Variants in GLRA3 observed in about 807,000 individuals in gnomAD.
GLRA3 encodes the protein glycine receptor subunit alpha-3.
Under a neutral mutation model 60.4 loss-of-function variants are expected in GLRA3, and 44 were observed. The ratio of observed to expected loss-of-function variants is 0.73; its 90% CI spans 0.57 to 0.94. GLRA3 has a LOEUF of 0.94. GLRA3 is among the 40% of genes least tolerant of loss of function. The probability of loss-of-function intolerance (pLI) is 0.00; values close to 1 mark genes in which losing one functional copy is unlikely to be tolerated. For missense variants in GLRA3, 508 were observed against 564.6 expected, an observed-to-expected ratio of 0.90 and a Z score of 1.02; for synonymous variants, 223 against 192.9, an observed-to-expected ratio of 1.16 and a Z score of -1.29.
chr4:174,765,048 A>T (rs983910437), intron 3 of GLRA3, among the ~76,000 whole-genome samples: 3 of 151,990 alleles, frequency 2.0e-5, no homozygotes, highest in Non-Finnish European at 2.9e-5. Flanking sequence ...GCTCAAAGTG[A>T]TTTCAAAAGG....
chr4:174,673,794 A>G (rs1733998773), intron 7 of GLRA3, among the ~76,000 whole-genome samples: 1 of 152,072 alleles, frequency 6.6e-6, no homozygotes, highest in African/African-American at 2.4e-5. Context: ...TGTCTTGTAA[A>G]TGTCTCCAAG....
At chr4:174,795,140 T>A (rs183239221) in intron 1 of GLRA3, among the ~76,000 whole-genome samples, 1 of 151,852 alleles carries the variant, frequency 6.6e-6, no homozygotes, top group Non-Finnish European at 1.5e-5. Context: ...TCCTTGTTTA[T>A]GCAATTAATA....
At chr4:174,697,185 C>T (rs886437668) in intron 5 of GLRA3, among the ~76,000 whole-genome samples, 4 of 152,030 alleles carry the variant, frequency 2.6e-5, no homozygotes, top group Non-Finnish European at 2.9e-5. Context: ...AAGTTGAAAA[C>T]GAGTTTAAAG....
intron 5 of GLRA3, among the ~76,000 whole-genome samples, chr4:174,698,956 T>A (rs1735183362): frequency 1.3e-5 from 2 of 152,006 alleles, no homozygotes; most frequent in African/African-American, 2.4e-5. Context: ...GCCATATATA[T>A]AAAGCCACAT....
chr4:174,807,853 C>T (rs960294495), intron 1 of GLRA3, among the ~76,000 whole-genome samples: 1 of 152,092 alleles, frequency 6.6e-6, no homozygotes, highest in African/African-American at 2.4e-5. Context: ...AATACTCTAC[C>T]TGCATAAATG....
At chr4:174,647,914 T>C (rs537824296) in intron 9 of GLRA3, among the ~76,000 whole-genome samples, 50 of 152,268 alleles carry the variant, frequency 3.3e-4, no homozygotes, top group African/African-American at 1.0e-3. Flanking sequence ...AGCTACCAAA[T>C]TGGACAAAGC....
chr4:174,657,544 A>G (rs1451994656), intron 8 of GLRA3, among the ~76,000 whole-genome samples: 1 of 152,184 alleles, frequency 6.6e-6, no homozygotes, highest in Non-Finnish European at 1.5e-5. Context: ...ATCAGTTACT[A>G]GTAACGAAGA....
chr4:174,709,939 A>C (rs1735649929), intron 5 of GLRA3, among the ~76,000 whole-genome samples: 1 of 151,694 alleles, frequency 6.6e-6, no homozygotes, highest in Non-Finnish European at 1.5e-5. Context: ...TTATACCTAA[A>C]TATTGAAGAA....
intron 1 of GLRA3, among the ~76,000 whole-genome samples, chr4:174,808,803 A>G (rs1740149902): frequency 2.0e-5 from 3 of 152,192 alleles, no homozygotes; most frequent in Admixed American, 2.0e-4. Flanking sequence ...TAAATGTGAA[A>G]AAAATTTAAA....
chr4:174,775,472 A>G (rs1008760637), intron 2 of GLRA3, among the ~76,000 whole-genome samples: 24 of 152,214 alleles, frequency 1.6e-4, no homozygotes, highest in African/African-American at 5.5e-4. Context: ...CGTGAGGGCA[A>G]ACAAAAGTTA....
chr4:174,682,405 C>T (rs1734381830), intron 6 of GLRA3, among the ~76,000 whole-genome samples: 1 of 151,812 alleles, frequency 6.6e-6, no homozygotes, highest in Non-Finnish European at 1.5e-5. Context: ...AATTAGGCAA[C>T]AAAGCTTTTT....
At chr4:174,810,134 C>G (rs1279467745) in intron 1 of GLRA3, among the ~76,000 whole-genome samples, 1 of 151,984 alleles carries the variant, frequency 6.6e-6, no homozygotes, top group Non-Finnish European at 1.5e-5. Flanking sequence ...TACATTCTAG[C>G]AGAATGGAAC....
At position 174,729,885 on chromosome 4, in the gene GLRA3, C is replaced by G. The variant is rs62333572; in HGVS notation, c.268-1187G>C. On this transcript the variant is annotated intron_variant, in intron 3 of 9. Coordinates refer to ENST00000274093, the MANE Select transcript of GLRA3 (RefSeq NM_006529.4). The stretch of plus-strand genomic sequence containing the variant: ...GAGACATCAGAATATAGTAACCAAC[C>G]AATCACAACGGATGCTTTAATAATA... Among the ~76,000 whole-genome samples, 970 of 152,290 alleles carry G rather than the reference C, an allele frequency of 6.4e-3. 5 individuals are homozygous for G. Among genetic ancestry groups the G allele is most frequent in the Non-Finnish European group, 0.011 (723 of 68,016 alleles).
rs62332371 is a variant in GLRA3 at position 174,824,668 on chromosome 4, T to C, written c.71+4073A>G. Among the ~76,000 whole-genome samples, 665 of 152,304 alleles carry C rather than the reference T, an allele frequency of 4.4e-3. 2 individuals are homozygous for C. Among genetic ancestry groups the C allele is most frequent in the Non-Finnish European group, 7.1e-3 (482 of 67,998 alleles). On this transcript the variant is annotated intron_variant, in intron 1 of 9. Coordinates refer to ENST00000274093, the MANE Select transcript of GLRA3 (RefSeq NM_006529.4). ...ATATATCTGTATCATTCGTTTTGCA[T>C]AGAATATTCTCTTTATATATCATTT... is the stretch of plus-strand genomic sequence containing the variant.
intron 2 of GLRA3, among the ~76,000 whole-genome samples, chr4:174,774,196 T>C (rs1738502526): frequency 6.6e-6 from 1 of 152,152 alleles, no homozygotes; most frequent in African/African-American, 2.4e-5. Flanking sequence ...AAATAAGTAA[T>C]TATATTGAGG....
At chr4:174,762,912 C>G (rs1409472047) in intron 3 of GLRA3, among the ~76,000 whole-genome samples, 2 of 152,090 alleles carry the variant, frequency 1.3e-5, no homozygotes, top group Non-Finnish European at 2.9e-5. Context: ...CCACCCCTGA[C>G]CAAAGATAGT....
intron 5 of GLRA3, among the ~76,000 whole-genome samples, chr4:174,707,841 C>T (rs185591834): frequency 1.3e-5 from 2 of 152,282 alleles, no homozygotes; most frequent in East Asian, 3.9e-4. Flanking sequence ...CTTCTCGAAG[C>T]ATAATTTGAC....
chr4:174,743,854 T>C (rs556513396), intron 3 of GLRA3, among the ~76,000 whole-genome samples: 1 of 152,170 alleles, frequency 6.6e-6, no homozygotes, highest in Non-Finnish European at 1.5e-5. Context: ...ACAAATAATG[T>C]ATCTTAGAAG....
chr4:174,684,598 G>A (rs758457638), intron 5 of GLRA3, among the ~76,000 whole-genome samples: 47 of 152,368 alleles, frequency 3.1e-4, no homozygotes, highest in Admixed American at 1.9e-3. Flanking sequence ...AAAAGTGAAT[G>A]AGACCTGTGA....
Sources: allele counts gnomAD v4.1 joint callset (sites outside exome capture counted in the v4.1 genomes callset), GRCh38; gene constraint gnomAD v4.1.1; transcripts MANE v1.5; gene names NCBI Gene and HGNC (gene_info 2026-07-23, HGNC 2026-07-21).